CAB39: variants seen among roughly 807,000 people sequenced by gnomAD.
CAB39 encodes the protein calcium binding protein 39.
Under a neutral mutation model 40.0 loss-of-function variants are expected in CAB39, and 8 were observed. The ratio of observed to expected loss-of-function variants is 0.20; its 90% CI spans 0.12 to 0.36. The LOEUF (loss-of-function observed/expected upper bound fraction) is 0.36. CAB39 is among the 10% of genes least tolerant of loss of function. The pLI, the probability that CAB39 is intolerant of heterozygous loss-of-function variation, is 1.00. For synonymous variants in CAB39, 156 were observed against 141.6 expected, an observed-to-expected ratio of 1.10 and a Z score of -0.72; for missense variants, 270 against 401.1, an observed-to-expected ratio of 0.67 and a Z score of 2.79.
intron 1 of CAB39, among the ~76,000 whole-genome samples, chr2:230,738,325 G>T (rs965827314): frequency 6.6e-6 from 1 of 152,202 alleles, no homozygotes; most frequent in Non-Finnish European, 1.5e-5. Context: ...CTGAGTTTAG[G>T]CTGTATGATT....
rs1286339069 is a variant in CAB39 at position 230,782,813 on chromosome 2, C to CTTTCT, written c.115-8056_115-8055insCTTTT. Reference sequence around the variant, plus strand: ...TGTTTCTTTCTTTCTTTCTTTCTTTCTTTTTTTTTTTTTTTTTTTGAGAAG... The same window carrying CTTTCT: ...TGTTTCTTTCTTTCTTTCTTTCTTTCTTTCTTTTTTTTTTTTTTTTTTTTGAGAAG... On this transcript the variant is annotated intron_variant, in intron 2 of 8. Coordinates refer to ENST00000258418, the MANE Select transcript of CAB39 (RefSeq NM_016289.4). 2.5e-3 allele frequency among the ~76,000 whole-genome samples: 203 copies of CTTTCT among 81,746 alleles called. 1 individual carries two copies. The highest frequency in any genetic ancestry group is 4.2e-3 in the South Asian group (13 of 3,084). The allele number at this position is 81,746 out of a possible 152,430, so 53.6% of individuals were successfully genotyped here. A position where few individuals can be genotyped will look rare whatever the true frequency, so the allele number is the denominator to read the frequency against.
chr2:230,795,494 C>G (rs1487696248), intron 4 of CAB39, among the ~76,000 whole-genome samples: 1 of 152,076 alleles, frequency 6.6e-6, no homozygotes, highest in African/African-American at 2.4e-5. Context: ...ATAGTTAGAT[C>G]TGGCTTTTTT....
chr2:230,799,914 C>T (rs1288541848), intron 5 of CAB39, among the ~76,000 whole-genome samples: 2 of 151,762 alleles, frequency 1.3e-5, no homozygotes, highest in African/African-American at 2.4e-5. Flanking sequence ...CGCTTGAACC[C>T]AGGAGACGGA....
chr2:230,802,952 CA>C (rs957668748), intron 5 of CAB39, among the ~76,000 whole-genome samples: 12 of 151,128 alleles, frequency 7.9e-5, no homozygotes, highest in African/African-American at 1.5e-4. Flanking sequence ...AGAGACACAA[CA>C]AAAAAAAACT....
rs540313199 is a variant in CAB39 at position 230,803,385 on chromosome 2, A to G, written c.567+4488A>G. 3.3e-5 allele frequency among the ~76,000 whole-genome samples: 5 copies of G among 152,310 alleles called. 1 individual carries two copies. The highest frequency in any genetic ancestry group is 5.9e-5 in the Non-Finnish European group (4 of 68,030). On this transcript the variant is annotated intron_variant, in intron 5 of 8. Transcript: ENST00000258418. ...CTCTCTCACCACTCCTATTCAACAT[A>G]GTGTTGGAAGTTCTGGCCAGGGCAA...
At chr2:230,799,392 T>C (rs928371495) in intron 5 of CAB39, among the ~76,000 whole-genome samples, 2 of 152,226 alleles carry the variant, frequency 1.3e-5, no homozygotes, top group African/African-American at 4.8e-5. Flanking sequence ...CTGCTCACAC[T>C]GGATCATGTC....
At chr2:230,782,813 C>CTTTTTTTTTTTTTTTTTTTTTT (rs1212977897) in intron 2 of CAB39, among the ~76,000 whole-genome samples, 2 of 81,764 alleles carry the variant, frequency 2.4e-5, no homozygotes, top group Non-Finnish European at 4.7e-5. Flanking sequence ...TTCTTTCTTT[C>CTTTTTTTTTTTTTTTTTTTTTT]TTTTTTTTTT....
intron 2 of CAB39, among the ~76,000 whole-genome samples, chr2:230,765,798 C>T (rs923798793): frequency 7.2e-5 from 11 of 151,912 alleles, no homozygotes; most frequent in African/African-American, 2.7e-4. Flanking sequence ...TGAATAGCTC[C>T]CCACAACAAA....
At chr2:230,770,549 C>G (rs1246409844) in intron 2 of CAB39, among the ~76,000 whole-genome samples, 3 of 152,174 alleles carry the variant, frequency 2.0e-5, no homozygotes, top group Non-Finnish European at 4.4e-5. Context: ...CTATGTAAAC[C>G]TTTCCAGAAA....
chr2:230,806,978 T>G (rs1696206508), intron 5 of CAB39, among the ~76,000 whole-genome samples: 2 of 152,180 alleles, frequency 1.3e-5, no homozygotes, highest in South Asian at 4.1e-4. Context: ...CAGCCTACCC[T>G]AAAAGTTGGC....
chr2:230,808,713 C>G (rs1330343603), intron 5 of CAB39, among the ~76,000 whole-genome samples: 1 of 152,126 alleles, frequency 6.6e-6, no homozygotes, highest in Non-Finnish European at 1.5e-5. Context: ...CCTGGCCATC[C>G]CTGTTATGAT....
intron 2 of CAB39, among the ~76,000 whole-genome samples, chr2:230,760,988 C>A (rs1695279982): frequency 6.6e-6 from 1 of 151,716 alleles, no homozygotes; most frequent in Non-Finnish European, 1.5e-5. Flanking sequence ...ATCTTTATTT[C>A]TCTAAGTAAA....
intron 7 of CAB39, 89 bp downstream of exon 7, chr2:230,814,203 A>G (rs1339685625): frequency 3.0e-6 from 2 of 669,646 alleles, no homozygotes; most frequent in Non-Finnish European, 5.1e-6. Flanking sequence ...AGGATGGGTC[A>G]TAGACCTTTG....
chr2:230,759,947 G>A lies in CAB39; in HGVS notation c.-43-12G>A. 1.1e-6 allele frequency: 1 copy of A among 887,836 alleles called. No individual in the cohort carries two copies. The highest frequency in any genetic ancestry group is 1.9e-6 in the Non-Finnish European group (1 of 536,272). 55.0% of individuals were successfully genotyped at this position (887,836 alleles called of 1,614,324 possible). ...CAGTGTTTGCTCACATGAACCTTGT[G>A]CTGTGTTCTAGGTAGCACAGGCGGA... On this transcript the variant is annotated splice_polypyrimidine_tract_variant and intron_variant, in intron 1 of 8. Coordinates refer to ENST00000258418, the MANE Select transcript of CAB39 (RefSeq NM_016289.4).
intron 2 of CAB39, among the ~76,000 whole-genome samples, chr2:230,783,624 A>G (rs1575944451): frequency 2.1e-5 from 1 of 46,534 alleles, no homozygotes; most frequent in South Asian, 6.9e-4. Flanking sequence ...TCAGCCTCCC[A>G]AGTAGCTGGG....
chr2:230,743,798 T>A (rs940609756), intron 1 of CAB39, among the ~76,000 whole-genome samples: 2 of 151,968 alleles, frequency 1.3e-5, no homozygotes, highest in Non-Finnish European at 2.9e-5. Flanking sequence ...AAAACAAATA[T>A]TAATATAAAG....
intron 2 of CAB39, among the ~76,000 whole-genome samples, chr2:230,784,312 T>G (rs1014451539): frequency 6.6e-6 from 1 of 152,184 alleles, no homozygotes; most frequent in Non-Finnish European, 1.5e-5. Flanking sequence ...GTATTCGATT[T>G]GAGGTACCTT....
chr2:230,810,375 G>C, intron 6 of CAB39, 53 bp downstream of exon 6: 2 of 669,384 alleles, frequency 3.0e-6, no homozygotes, highest in Non-Finnish European at 5.0e-6. Flanking sequence ...TTTGTTACCA[G>C]AAATGAAAGA....
intron 2 of CAB39, among the ~76,000 whole-genome samples, chr2:230,786,154 A>C: frequency 8.2e-6 from 1 of 121,664 alleles, no homozygotes. Context: ...ACAGAGCAAG[A>C]CTCTGTCTCA....
Sources: gnomAD v4.1 joint callset for allele counts (sites outside exome capture counted in the v4.1 genomes callset) on GRCh38, gnomAD v4.1.1 for gene constraint, MANE v1.5 for transcripts, NCBI Gene and HGNC (gene_info 2026-07-23, HGNC 2026-07-21) for gene names.